The following WDR70 variants were observed in gnomAD, a reference collection of about 807,000 sequenced individuals.
The protein encoded by WDR70 is WD repeat domain 70, also known as WD repeat-containing protein 70.
WDR70 carries 53 observed loss-of-function variants against 88.6 expected under a neutral mutation model. The ratio of observed to expected loss-of-function variants is 0.60; its 90% CI spans 0.48 to 0.75. The LOEUF (loss-of-function observed/expected upper bound fraction) is 0.75. Among genes scored for constraint, WDR70 ranks in the 30% least tolerant of loss-of-function variants. The pLI is 0.00. For synonymous variants in WDR70, 280 were observed against 270.0 expected (o/e 1.04, Z -0.36); for missense variants, 610 against 823.2 (o/e 0.74, Z 3.17).
chr5:37,430,850 G>A (rs1002424816), intron 5 of WDR70, among the ~76,000 whole-genome samples: 2 of 151,724 alleles, frequency 1.3e-5, no homozygotes, highest in Non-Finnish European at 2.9e-5. Context: ...GCGAGCCACC[G>A]TGCCCAGCAT....
At chr5:37,683,927 A>T (rs774567780) in intron 10 of WDR70, among the ~76,000 whole-genome samples, 1 of 152,082 alleles carries the variant, frequency 6.6e-6, no homozygotes, top group Non-Finnish European at 1.5e-5. Context: ...TGATATCCTG[A>T]AATATGTTTT....
At chr5:37,531,300 T>C (rs1008845116) in intron 9 of WDR70, among the ~76,000 whole-genome samples, 2 of 152,112 alleles carry the variant, frequency 1.3e-5, no homozygotes, top group African/African-American at 4.8e-5. Context: ...AATATCTAAA[T>C]CCATTTGTTG....
intron 10 of WDR70, among the ~76,000 whole-genome samples, chr5:37,647,598 C>T (rs939205594): frequency 7.9e-5 from 12 of 152,184 alleles, no homozygotes; most frequent in Non-Finnish European, 1.6e-4. Flanking sequence ...AGGGGGCACC[C>T]CAAACCCTGT....
intron 5 of WDR70, among the ~76,000 whole-genome samples, chr5:37,401,875 AATC>A (rs1247675565): frequency 6.6e-6 from 1 of 152,182 alleles, no homozygotes; most frequent in African/African-American, 2.4e-5. Context: ...GTAATGATCA[AATC>A]AGGGTGATTA....
At chr5:37,471,203 A>G (rs1217000435) in intron 7 of WDR70, among the ~76,000 whole-genome samples, 1 of 152,130 alleles carries the variant, frequency 6.6e-6, no homozygotes, top group Non-Finnish European at 1.5e-5. Flanking sequence ...TTTCTAATAG[A>G]TTTTGAAAAT....
chr5:37,534,073 T>C lies in WDR70; in HGVS notation c.917+17483T>C, dbSNP rs145692241. 3.2e-3 allele frequency among the ~76,000 whole-genome samples: 494 copies of C among 152,300 alleles called. 9 individuals carry two copies. Among genetic ancestry groups the C allele is most frequent in the African/African-American group, 0.012 (478 of 41,564 alleles). On this transcript the variant is annotated intron_variant, in intron 9 of 17. Coordinates refer to ENST00000265107, the MANE Select transcript of WDR70 (RefSeq NM_018034.4). ...TTCCTGTGGAAATTCTTGGTGCTGC[T>C]ATCCAGGGCTGCAAGACCTGAAGAT...
intron 9 of WDR70, among the ~76,000 whole-genome samples, chr5:37,581,583 G>C (rs759081743): frequency 2.0e-5 from 3 of 152,122 alleles, no homozygotes; most frequent in Non-Finnish European, 2.9e-5. Context: ...CATCCTAAGA[G>C]GAGATCAAAG....
intron 17 of WDR70, among the ~76,000 whole-genome samples, chr5:37,744,898 A>G (rs1331242223): frequency 6.6e-6 from 1 of 152,170 alleles, no homozygotes; most frequent in African/African-American, 2.4e-5. Flanking sequence ...CAACCTAGCA[A>G]GACAGGCCAA....
intron 10 of WDR70, among the ~76,000 whole-genome samples, chr5:37,664,718 A>G (rs1366088398): frequency 6.6e-6 from 1 of 152,220 alleles, no homozygotes; most frequent in African/African-American, 2.4e-5. Flanking sequence ...TTGTTGGGTA[A>G]GGAGCCATTT....
At position 37,643,886 on chromosome 5, in the gene WDR70, G is replaced by A. The variant is rs555930046; in HGVS notation, c.1092+38648G>A. Among the ~76,000 whole-genome samples, 12 of 151,838 alleles carry A rather than the reference G, an allele frequency of 7.9e-5. No homozygotes were observed. In the East Asian group the frequency reaches 1.2e-3, roughly 15 times the overall value. On this transcript the variant is annotated intron_variant, in intron 10 of 17. Transcript: ENST00000265107. The stretch of plus-strand genomic sequence containing the variant: ...TTATCAGCTCTAATAGGTTTTTGAC[G>A]GAGTCTTTAGGTTTTTCCAAATATA...
At chr5:37,419,454 T>G (rs1311820050) in intron 5 of WDR70, among the ~76,000 whole-genome samples, 1 of 151,550 alleles carries the variant, frequency 6.6e-6, no homozygotes, top group Non-Finnish European at 1.5e-5. Context: ...TCCACCTGCC[T>G]CAGCCTCCCA....
At chr5:37,742,038 C>T (rs1052441887) in intron 17 of WDR70, among the ~76,000 whole-genome samples, 1 of 152,120 alleles carries the variant, frequency 6.6e-6, no homozygotes, top group African/African-American at 2.4e-5. Flanking sequence ...CTCTTTGGCT[C>T]TTGTGAATAA....
chr5:37,536,838 A>C (rs1177665779), intron 9 of WDR70, among the ~76,000 whole-genome samples: 1 of 152,134 alleles, frequency 6.6e-6, no homozygotes, highest in African/African-American at 2.4e-5. Context: ...TGTTGACAAG[A>C]AAATTTTTTT....
chr5:37,638,112 C>T (rs1254737592), intron 10 of WDR70, among the ~76,000 whole-genome samples: 2 of 152,134 alleles, frequency 1.3e-5, no homozygotes, highest in Admixed American at 1.3e-4. Context: ...CCAGCAATTT[C>T]GGGATCTACT....
intron 17 of WDR70, among the ~76,000 whole-genome samples, chr5:37,739,232 G>A (rs1748395856): frequency 6.6e-6 from 1 of 152,166 alleles, no homozygotes; most frequent in South Asian, 2.1e-4. Context: ...ACTTCGTTAA[G>A]GTAGATACTT....
chr5:37,449,614 A>AT (rs375497634), intron 7 of WDR70, among the ~76,000 whole-genome samples: 43,714 of 120,652 alleles, frequency 0.36, 7,203 homozygotes, highest in East Asian at 0.57. Flanking sequence ...TAAAAAATAA[A>AT]AAATAAATAA....
Position 37,418,603 on chromosome 5 carries a change from C to G in WDR70, c.493-19319C>G, listed in dbSNP as rs539170100. 6.6e-5 allele frequency among the ~76,000 whole-genome samples: 10 copies of G among 152,216 alleles called. No homozygotes were observed. The East Asian group carries it at 1.9e-3, about 29-fold the overall frequency. On this transcript the variant is annotated intron_variant, in intron 5 of 17. Transcript: ENST00000265107. ...AATCATGAAAAAAAGTTAGGATGTTCTCCTTTGTATCATTTATCATTTCTT... is the reference window on the plus strand; with the variant it reads ...AATCATGAAAAAAAGTTAGGATGTTGTCCTTTGTATCATTTATCATTTCTT...
At position 37,387,257 on chromosome 5, in the gene WDR70, C is replaced by T. The variant is rs567882557; in HGVS notation, c.176-4743C>T. Among the ~76,000 whole-genome samples the T allele has an allele frequency of 1.7e-3, 260 of 152,140 alleles. 2 individuals are homozygous for T. Among genetic ancestry groups the T allele is most frequent in the African/African-American group, 5.9e-3 (247 of 41,516 alleles). ...CATAATCCTGTTGTGTGTGTATCAT[C>T]TACCTTGGAAGTTTCTTGAAGAGAT... On this transcript the variant is annotated intron_variant, in intron 3 of 17. Transcript: ENST00000265107.
intron 5 of WDR70, among the ~76,000 whole-genome samples, chr5:37,417,950 C>T (rs1253877493): frequency 1.3e-5 from 2 of 152,106 alleles, no homozygotes; most frequent in Non-Finnish European, 2.9e-5. Flanking sequence ...TAAGTAAGTG[C>T]GCCATTAAGT....
Sources: allele counts gnomAD v4.1 joint callset (sites outside exome capture counted in the v4.1 genomes callset), GRCh38; gene constraint gnomAD v4.1.1; transcripts MANE v1.5; gene names NCBI Gene and HGNC (gene_info 2026-07-23, HGNC 2026-07-21).